Variants in RUNX2 observed in about 807,000 individuals in gnomAD.
RUNX2 encodes the protein RUNX family transcription factor 2, also known as runt-related transcription factor 2.
Under a neutral mutation model 51.7 loss-of-function variants are expected in RUNX2, and 10 were observed. The ratio of observed to expected loss-of-function variants is 0.19; its 90% CI spans 0.12 to 0.33. RUNX2 has a LOEUF of 0.33. Among genes scored for constraint, RUNX2 ranks in the 10% least tolerant of loss-of-function variants. The probability of loss-of-function intolerance (pLI) is 1.00; values close to 1 mark genes in which losing one functional copy is unlikely to be tolerated. For synonymous variants in RUNX2, 276 were observed against 273.6 expected (o/e 1.01, Z -0.09); for missense variants, 562 against 691.3 (o/e 0.81, Z 2.10).
chr6:45,423,363 G>T (rs948983360), intron 3 of RUNX2, among the ~76,000 whole-genome samples: 1 of 152,148 alleles, frequency 6.6e-6, no homozygotes, highest in African/African-American at 2.4e-5. Context: ...AGGATCCCCG[G>T]CATTGTCCCC....
At chr6:45,388,134 C>G in intron 2 of RUNX2, among the ~76,000 whole-genome samples, 1 of 151,932 alleles carries the variant, frequency 6.6e-6, no homozygotes, top group East Asian at 1.9e-4. Flanking sequence ...TCACTGGATG[C>G]AAAGATAGAA....
intron 7 of RUNX2, among the ~76,000 whole-genome samples, chr6:45,515,718 G>A (rs368075979): frequency 1.1e-4 from 17 of 152,126 alleles, no homozygotes; most frequent in South Asian, 6.2e-4. Flanking sequence ...ATTATTATTC[G>A]TAGATTTAAA....
At chr6:45,497,468 TA>T (rs1378956597) in intron 6 of RUNX2, among the ~76,000 whole-genome samples, 3 of 152,224 alleles carry the variant, frequency 2.0e-5, no homozygotes, top group Non-Finnish European at 4.4e-5. Context: ...AAGTTTCACT[TA>T]TTTTTTTATT....
At chr6:45,341,702 T>C (rs1458334718) in intron 2 of RUNX2, among the ~76,000 whole-genome samples, 1 of 152,120 alleles carries the variant, frequency 6.6e-6, no homozygotes, top group East Asian at 1.9e-4. Context: ...GAATAACAGA[T>C]AGTTAAAAGT....
intron 5 of RUNX2, among the ~76,000 whole-genome samples, chr6:45,489,437 C>G (rs925758815): frequency 6.6e-6 from 1 of 152,180 alleles, no homozygotes; most frequent in African/African-American, 2.4e-5. Context: ...ACATCTCATA[C>G]AGCCTCTAGG....
chr6:45,411,627 C>G (rs1031759291), intron 2 of RUNX2, among the ~76,000 whole-genome samples: 5 of 151,818 alleles, frequency 3.3e-5, no homozygotes, highest in African/African-American at 4.8e-5. Context: ...ATCAGAGAAG[C>G]CTTTGAAAAA....
rs751811026 is a variant in RUNX2 at position 45,547,135 on chromosome 6, C to T, written c.1396C>T (p.Pro466Ser). Residue 466 changes from proline (P) to serine (S), a missense_variant, in exon 9 of 9, where the codon CCT becomes TCT. This residue lies in a region of RUNX2 where 304 missense variants were observed against 353.2 expected (regional missense o/e 0.86). Transcript: ENST00000647337. ...CATGGTGCCGGGGGGAGACCGGTCTCCTTCCAGAATGCTTCCGCCATGCAC... is the reference window on the plus strand; with the variant it reads ...CATGGTGCCGGGGGGAGACCGGTCTTCTTCCAGAATGCTTCCGCCATGCAC... ...FPMVPGGDRS[P>S]SRMLPPCTTT... The T allele has an allele frequency of 2.4e-5, 38 of 1,613,970 alleles. No homozygotes were observed. Among genetic ancestry groups the T allele is most frequent in the Non-Finnish European group, 2.9e-5 (34 of 1,180,030 alleles).
At chr6:45,366,741 G>A (rs574524691) in intron 2 of RUNX2, among the ~76,000 whole-genome samples, 1 of 152,160 alleles carries the variant, frequency 6.6e-6, no homozygotes, top group East Asian at 1.9e-4. Flanking sequence ...AGTCACTTGG[G>A]CTCAAAGTCT....
chr6:45,475,120 T>G (rs988363223), intron 5 of RUNX2, among the ~76,000 whole-genome samples: 1 of 125,218 alleles, frequency 8.0e-6, no homozygotes, highest in Admixed American at 8.4e-5. Context: ...TAAGACTCCA[T>G]CTTAAAAAAA....
intron 7 of RUNX2, among the ~76,000 whole-genome samples, chr6:45,525,500 T>C (rs61243460): frequency 0.1 from 15,698 of 152,302 alleles, 999 homozygotes; most frequent in Non-Finnish European, 0.15. Context: ...GGAGCCTCTC[T>C]TTTGAATTTC....
At chr6:45,531,935 AAG>A (rs1057081818) in intron 7 of RUNX2, among the ~76,000 whole-genome samples, 7 of 152,182 alleles carry the variant, frequency 4.6e-5, no homozygotes, top group East Asian at 3.9e-4. Flanking sequence ...ACAGAAAAGA[AAG>A]AGAAATAGCT....
At chr6:45,540,873 C>A (rs955386619) in intron 7 of RUNX2, among the ~76,000 whole-genome samples, 3 of 152,170 alleles carry the variant, frequency 2.0e-5, no homozygotes, top group Non-Finnish European at 4.4e-5. Context: ...GGAAGCAAAG[C>A]AGAGGCATCC....
intron 2 of RUNX2, among the ~76,000 whole-genome samples, chr6:45,364,884 A>C (rs1211381717): frequency 6.6e-6 from 1 of 152,208 alleles, no homozygotes; most frequent in African/African-American, 2.4e-5. Context: ...CTAAATCTAT[A>C]AACTAGAATA....
At chr6:45,369,630 T>C (rs1795715853) in intron 2 of RUNX2, among the ~76,000 whole-genome samples, 1 of 152,166 alleles carries the variant, frequency 6.6e-6, no homozygotes. Context: ...AGACACACTC[T>C]TATTTAAAGC....
chr6:45,491,182 G>T (rs1486653230), intron 5 of RUNX2, among the ~76,000 whole-genome samples: 1 of 152,150 alleles, frequency 6.6e-6, no homozygotes, highest in Non-Finnish European at 1.5e-5. Flanking sequence ...ATAATGGATT[G>T]TCACAGTCAC....
intron 5 of RUNX2, among the ~76,000 whole-genome samples, chr6:45,442,431 C>T (rs1798868076): frequency 6.6e-6 from 1 of 152,140 alleles, no homozygotes; most frequent in Admixed American, 6.5e-5. Flanking sequence ...CTATTAGGAT[C>T]CCTTGTTCCA....
At chr6:45,368,186 A>C (rs1047052511) in intron 2 of RUNX2, among the ~76,000 whole-genome samples, 1 of 152,200 alleles carries the variant, frequency 6.6e-6, no homozygotes, top group Admixed American at 6.5e-5. Context: ...TCTGTTTGCC[A>C]TATTTTACAA....
chr6:45,445,046 A>T (rs1373323061), intron 5 of RUNX2, among the ~76,000 whole-genome samples: 1 of 152,078 alleles, frequency 6.6e-6, no homozygotes, highest in East Asian at 1.9e-4. Flanking sequence ...TTTATTTCAG[A>T]TGGAGTCTTG....
At chr6:45,492,698 C>G (rs1001178254) in intron 6 of RUNX2, among the ~76,000 whole-genome samples, 4 of 152,188 alleles carry the variant, frequency 2.6e-5, no homozygotes, top group Non-Finnish European at 5.9e-5. Flanking sequence ...TACCTTTCTT[C>G]TGAGAAATTA....
Sources: allele counts gnomAD v4.1 joint callset (sites outside exome capture counted in the v4.1 genomes callset), GRCh38; gene constraint gnomAD v4.1.1; regional missense constraint gnomAD v4.1.1; transcripts MANE v1.5; gene names NCBI Gene and HGNC (gene_info 2026-07-23, HGNC 2026-07-21).